EPHB1: variants seen among roughly 807,000 people sequenced by gnomAD.
EPHB1 encodes EPH receptor B1.
A neutral mutation model predicts 94.4 loss-of-function variants in EPHB1; 30 were observed. The observed-to-expected ratio is 0.32, with a 90% confidence interval of 0.24 to 0.43. EPHB1 has a LOEUF of 0.43. Ranked by LOEUF, EPHB1 falls within the 20% of genes least tolerant of loss-of-function variation. EPHB1 has a pLI of 1.00. For synonymous variants in EPHB1, 522 were observed against 489.1 expected (o/e 1.07, Z -0.89); for missense variants, 1,055 against 1,308.3 (o/e 0.81, Z 2.99).
intron 1 of EPHB1, among the ~76,000 whole-genome samples, chr3:134,809,798 T>C (rs914328147): frequency 6.6e-6 from 1 of 152,198 alleles, no homozygotes; most frequent in Admixed American, 6.5e-5. Context: ...CCCCAGATAA[T>C]CCAGTGGTTC....
intron 2 of EPHB1, among the ~76,000 whole-genome samples, chr3:134,936,855 G>A (rs1251043407): frequency 6.6e-6 from 1 of 152,210 alleles, no homozygotes; most frequent in Admixed American, 6.5e-5. Context: ...AGTTCATTAT[G>A]TAACAAGGCA....
intron 2 of EPHB1, among the ~76,000 whole-genome samples, chr3:134,934,651 T>G (rs1305333338): frequency 6.7e-6 from 1 of 149,410 alleles, no homozygotes; most frequent in East Asian, 2.0e-4. Context: ...TTACACTGAT[T>G]GCAGAAATAT....
intron 1 of EPHB1, among the ~76,000 whole-genome samples, chr3:134,853,715 G>A (rs1439360903): frequency 1.3e-5 from 2 of 152,206 alleles, no homozygotes; most frequent in Non-Finnish European, 2.9e-5. Flanking sequence ...GCCTGCAGAA[G>A]CACCGTAGCA....
At chr3:134,909,310 G>C (rs770638755) in intron 1 of EPHB1, among the ~76,000 whole-genome samples, 5 of 152,194 alleles carry the variant, frequency 3.3e-5, no homozygotes, top group Non-Finnish European at 7.4e-5. Flanking sequence ...CCTTCTGAAA[G>C]TTGGAACCAG....
At chr3:135,161,116 A>G (rs1178585657) in intron 6 of EPHB1, among the ~76,000 whole-genome samples, 1 of 152,196 alleles carries the variant, frequency 6.6e-6, no homozygotes, top group Non-Finnish European at 1.5e-5. Flanking sequence ...GTGTTTAATA[A>G]GATAAGTAGC....
At chr3:134,856,602 C>G (rs866240874) in intron 1 of EPHB1, among the ~76,000 whole-genome samples, 1 of 152,188 alleles carries the variant, frequency 6.6e-6, no homozygotes, top group Non-Finnish European at 1.5e-5. Context: ...TGGTAGCCAC[C>G]AGCCACATCT....
chr3:134,914,639 CA>C (rs1442423826), intron 1 of EPHB1, among the ~76,000 whole-genome samples: 1 of 152,120 alleles, frequency 6.6e-6, no homozygotes, highest in Non-Finnish European at 1.5e-5. Flanking sequence ...TGAGCATCAT[CA>C]GGGGTCTGGC....
At position 134,999,414 on chromosome 3, in the gene EPHB1, T is replaced by C. The variant is rs1415575402; in HGVS notation, c.805+47362T>C. On this transcript the variant is annotated intron_variant, in intron 3 of 15. Transcript: ENST00000398015. ...CTAATCTGAAGAGGATAAAATCAGATATGAGGAGAGAAGGGATGGTCTGAA... is the reference window on the plus strand; with the variant it reads ...CTAATCTGAAGAGGATAAAATCAGACATGAGGAGAGAAGGGATGGTCTGAA... Among the ~76,000 whole-genome samples, 11 of 152,036 alleles carry C rather than the reference T, an allele frequency of 7.2e-5. No individual in the cohort carries two copies. In the East Asian group the frequency reaches 1.9e-3, roughly 27 times the overall value.
intron 2 of EPHB1, among the ~76,000 whole-genome samples, chr3:134,937,095 A>T (rs2039018726): frequency 6.6e-6 from 1 of 152,200 alleles, no homozygotes; most frequent in Admixed American, 6.5e-5. Flanking sequence ...ACATTGGAAA[A>T]ATTAGAGTGT....
At chr3:134,909,334 G>T (rs1224262346) in intron 1 of EPHB1, among the ~76,000 whole-genome samples, 2 of 152,234 alleles carry the variant, frequency 1.3e-5, no homozygotes, top group Non-Finnish European at 2.9e-5. Flanking sequence ...ACAAGAAAAT[G>T]TCTCTCTGGG....
intron 15 of EPHB1, among the ~76,000 whole-genome samples, chr3:135,256,382 C>T (rs1933387891): frequency 6.6e-6 from 1 of 152,110 alleles, no homozygotes; most frequent in African/African-American, 2.4e-5. Flanking sequence ...ATATTTAGCG[C>T]TTCCTTCAGG....
intron 6 of EPHB1, among the ~76,000 whole-genome samples, chr3:135,156,167 T>G (rs190574845): frequency 2.3e-4 from 35 of 151,884 alleles, no homozygotes; most frequent in African/African-American, 8.4e-4. Context: ...GGAACAGAAG[T>G]TCAGTTCAGT....
intron 3 of EPHB1, among the ~76,000 whole-genome samples, chr3:135,041,329 T>C (rs1198837721): frequency 6.6e-6 from 1 of 152,194 alleles, no homozygotes; most frequent in African/African-American, 2.4e-5. Flanking sequence ...ACTGGGATGC[T>C]GGGAGGCACA....
At chr3:134,874,168 G>A (rs959672666) in intron 1 of EPHB1, among the ~76,000 whole-genome samples, 1 of 152,100 alleles carries the variant, frequency 6.6e-6, no homozygotes, top group Non-Finnish European at 1.5e-5. Context: ...TGGGTTTTTT[G>A]TGGAATACTA....
chr3:135,248,384 G>C lies in EPHB1; in HGVS notation c.2565G>C (p.Gln855His), dbSNP rs2107731212. ...PPMDCPAALH[Q>H]LMLDCWQKDR... ...TGGACTGTCCAGCTGCTCTACACCA[G>C]CTCATGCTGGACTGTTGGCAGAAGG... The change falls in exon 14 of 16, where the codon CAG becomes CAC. Residue 855 changes from glutamine (Q) to histidine (H), a missense_variant. Gln to His is a conservative substitution (Grantham distance 24). Coordinates refer to ENST00000398015, the MANE Select transcript of EPHB1 (RefSeq NM_004441.5). The C allele has an allele frequency of 6.2e-7, 1 of 1,613,740 alleles. No homozygotes were observed. The highest frequency in any genetic ancestry group is 8.5e-7 in the Non-Finnish European group (1 of 1,179,730).
intron 12 of EPHB1, among the ~76,000 whole-genome samples, chr3:135,212,111 G>C (rs778182874): frequency 3.3e-5 from 5 of 151,918 alleles, no homozygotes; most frequent in Non-Finnish European, 5.9e-5. Flanking sequence ...AGCCCTTCCG[G>C]TGACTTTTTT....
intron 1 of EPHB1, among the ~76,000 whole-genome samples, chr3:134,922,749 G>A (rs1298886016): frequency 1.3e-5 from 2 of 152,136 alleles, no homozygotes; most frequent in Non-Finnish European, 2.9e-5. Flanking sequence ...TCCCACTCCT[G>A]CCAGACCCCA....
At chr3:135,150,156 A>G (rs1941149044) in intron 5 of EPHB1, among the ~76,000 whole-genome samples, 2 of 152,250 alleles carry the variant, frequency 1.3e-5, no homozygotes, top group African/African-American at 4.8e-5. Context: ...TCCTCAGGCC[A>G]TTAGCATTGA....
At chr3:134,844,430 T>A (rs1358162398) in intron 1 of EPHB1, among the ~76,000 whole-genome samples, 2 of 152,226 alleles carry the variant, frequency 1.3e-5, no homozygotes, top group Non-Finnish European at 2.9e-5. Flanking sequence ...TTGGCTCCTC[T>A]CTGGACTTAA....
Sources: gnomAD v4.1 joint callset for allele counts (sites outside exome capture counted in the v4.1 genomes callset) on GRCh38, gnomAD v4.1.1 for gene constraint, MANE v1.5 for transcripts, NCBI Gene and HGNC (gene_info 2026-07-23, HGNC 2026-07-21) for gene names.